TAOK1: variants seen among roughly 807,000 people sequenced by gnomAD.
The protein encoded by TAOK1 is TAO kinase 1, also known as serine/threonine-protein kinase TAO1.
TAOK1 carries 21 observed loss-of-function variants against 138.3 expected under a neutral mutation model. The observed-to-expected ratio is 0.15, with a 90% confidence interval of 0.11 to 0.22. The LOEUF (loss-of-function observed/expected upper bound fraction) is 0.22. TAOK1 is among the 10% of genes least tolerant of loss of function. The pLI is 1.00. For missense variants in TAOK1, 651 were observed against 1,227.7 expected, an observed-to-expected ratio of 0.53 and a Z score of 7.02; for synonymous variants, 361 against 398.4, an observed-to-expected ratio of 0.91 and a Z score of 1.12.
chr17:29,396,819 C>T (rs1200595909), intron 1 of TAOK1, among the ~76,000 whole-genome samples: 3 of 150,636 alleles, frequency 2.0e-5, no homozygotes, highest in East Asian at 3.9e-4. Flanking sequence ...GGAGGAAACC[C>T]GTCTCTACTA....
chr17:29,397,607 C>CCCCAAA (rs60665025), intron 1 of TAOK1, among the ~76,000 whole-genome samples: 13,179 of 93,472 alleles, frequency 0.14, 1,700 homozygotes, highest in Non-Finnish European at 0.17. Context: ...CGTCCCCCCC[C>CCCCAAA]AAAAAAATAT....
rs1230650441 is a variant in TAOK1, at chr17:29,539,206, T to A, written c.2545-3355T>A. Among the ~76,000 whole-genome samples, 13 of 152,170 alleles carry A rather than the reference T, an allele frequency of 8.5e-5. No individual in the cohort carries two copies. The South Asian group carries it at 2.7e-3, about 31-fold the overall frequency. On this transcript the variant is annotated intron_variant, in intron 19 of 19. Transcript: ENST00000261716. ...TGAACCTGAGAGGTAGAGGTTGCAG[T>A]GAGCCAAGATTGCACCACTGCACTC...
At chr17:29,455,415 G>C (rs1306497149) in intron 2 of TAOK1, among the ~76,000 whole-genome samples, 1 of 150,328 alleles carries the variant, frequency 6.7e-6, no homozygotes, top group East Asian at 1.9e-4. Flanking sequence ...TATATCATTT[G>C]CAAATGGAGA....
chr17:29,407,376 CT>C (rs1905023050), intron 1 of TAOK1, among the ~76,000 whole-genome samples: 1 of 152,148 alleles, frequency 6.6e-6, no homozygotes, highest in Admixed American at 6.6e-5. Context: ...TCTTCTCTGT[CT>C]CCCTCTCTTC....
chr17:29,438,073 T>A (rs1906095456), intron 1 of TAOK1, among the ~76,000 whole-genome samples: 1 of 152,176 alleles, frequency 6.6e-6, no homozygotes, highest in African/African-American at 2.4e-5. Flanking sequence ...ATATGGTGGA[T>A]CAGCAATGTC....
chr17:29,403,920 C>G (rs1350127919), intron 1 of TAOK1: 2 of 151,966 alleles, frequency 1.3e-5, no homozygotes, highest in Non-Finnish European at 2.9e-5. Flanking sequence ...TTTTTTAATT[C>G]TCTAGAAAAG....
At chr17:29,467,803 TTTTATTTA>T (rs560669780) in intron 3 of TAOK1, among the ~76,000 whole-genome samples, 28 of 151,506 alleles carry the variant, frequency 1.8e-4, no homozygotes, top group Non-Finnish European at 2.9e-4. Flanking sequence ...CTGCTTTTAT[TTTTATTTA>T]TTTATTTATT....
At chr17:29,452,210 G>C (rs766428474) in intron 2 of TAOK1, among the ~76,000 whole-genome samples, 5 of 151,674 alleles carry the variant, frequency 3.3e-5, no homozygotes, top group African/African-American at 4.8e-5. Flanking sequence ...AGCAGATCCT[G>C]TCACAAAAAA....
chr17:29,500,939 A>G (rs2031512508), intron 12 of TAOK1, among the ~76,000 whole-genome samples: 1 of 152,154 alleles, frequency 6.6e-6, no homozygotes, highest in Admixed American at 6.5e-5. Flanking sequence ...TAGTGACAGA[A>G]AGTAGGTTAG....
At chr17:29,439,761 A>G (rs917133954) in intron 1 of TAOK1, among the ~76,000 whole-genome samples, 4 of 151,498 alleles carry the variant, frequency 2.6e-5, no homozygotes, top group Non-Finnish European at 5.9e-5. Context: ...AAGGACTACC[A>G]ATCTGTAGTC....
chr17:29,508,322 G>A (rs879351870), intron 14 of TAOK1, among the ~76,000 whole-genome samples, 190 bp downstream of exon 14: 2 of 152,172 alleles, frequency 1.3e-5, no homozygotes, highest in Admixed American at 6.6e-5. Flanking sequence ...GCACCTGTGT[G>A]TTTTATCTCT....
chr17:29,425,689 A>AC (rs1905613574), intron 1 of TAOK1, among the ~76,000 whole-genome samples: 2 of 152,084 alleles, frequency 1.3e-5, no homozygotes, highest in African/African-American at 4.8e-5. Context: ...AAACAAACAA[A>AC]AAAACCAAAC....
chr17:29,530,524 G>A lies in TAOK1; in HGVS notation c.2266G>A (p.Val756Ile). Residue 756 changes from valine to isoleucine, a missense_variant, in exon 18 of 20, where the codon GTT becomes ATT. Coordinates refer to ENST00000261716, the MANE Select transcript of TAOK1 (RefSeq NM_020791.4). ...TACACCAAAGAGTGAGCACAAAGCT[G>A]TTCTGAAACGGCTCAAGGAGGAACA... is the stretch of plus-strand genomic sequence containing the variant. ...ETTPKSEHKA[V>I]LKRLKEEQTR... The A allele has an allele frequency of 6.2e-7, 1 of 1,614,178 alleles. No homozygotes were observed. The highest frequency in any genetic ancestry group is 8.5e-7 in the Non-Finnish European group (1 of 1,180,034).
At chr17:29,488,643 T>C (rs1381652554) in intron 8 of TAOK1, among the ~76,000 whole-genome samples, 5 of 151,118 alleles carry the variant, frequency 3.3e-5, no homozygotes, top group South Asian at 2.1e-4. Flanking sequence ...CAATTTTTTT[T>C]CGCCAAATAT....
Position 29,390,825 on chromosome 17 carries a change from C to G in TAOK1, c.-294C>G, listed in dbSNP as rs1378122033. 6.8e-6 allele frequency: 1 copy of G among 147,810 alleles called. No homozygotes were observed. Among genetic ancestry groups the G allele is most frequent in the Admixed American group, 6.7e-5 (1 of 14,922 alleles). The allele number at this position is 147,810 out of a possible 1,614,324, so 9.2% of individuals were successfully genotyped here. A position where few individuals can be genotyped will look rare whatever the true frequency, so the allele number is the denominator to read the frequency against. Reference sequence around the variant, plus strand: ...TCCTCGACCCCGGTCGTCCCCTCGCCCCCCCCCCCACCCCCCGCCGCCGCC... The same window carrying G: ...TCCTCGACCCCGGTCGTCCCCTCGCGCCCCCCCCCACCCCCCGCCGCCGCC... On this transcript the variant is annotated 5_prime_UTR_variant, in exon 1 of 20. Coordinates refer to ENST00000261716, the MANE Select transcript of TAOK1 (RefSeq NM_020791.4).
chr17:29,399,062 C>A (rs906913738), intron 1 of TAOK1, among the ~76,000 whole-genome samples: 4 of 151,132 alleles, frequency 2.6e-5, no homozygotes, highest in Admixed American at 1.3e-4. Context: ...TCTCGGCTGC[C>A]TGCAGCCTTG....
chr17:29,480,332 G>T, intron 6 of TAOK1, 36 bp from the exon 7 acceptor site: 1 of 1,468,364 alleles, frequency 6.8e-7, no homozygotes. Flanking sequence ...TCTATTGAGG[G>T]AAAGTTAAGT....
chr17:29,414,174 C>A (rs954598476), intron 1 of TAOK1, among the ~76,000 whole-genome samples: 2 of 148,768 alleles, frequency 1.3e-5, no homozygotes, highest in Admixed American at 6.7e-5. Flanking sequence ...TGAGCCACCA[C>A]GCCCAGCCTG....
chr17:29,392,131 G>T (rs1422330954), intron 1 of TAOK1, among the ~76,000 whole-genome samples: 1 of 152,112 alleles, frequency 6.6e-6, no homozygotes. Flanking sequence ...GAGGAGAATC[G>T]CTTGAACCCG....
Sources: gnomAD v4.1 joint callset for allele counts (sites outside exome capture counted in the v4.1 genomes callset) on GRCh38, gnomAD v4.1.1 for gene constraint, MANE v1.5 for transcripts, NCBI Gene and HGNC (gene_info 2026-07-23, HGNC 2026-07-21) for gene names.